TAF1: variants seen among roughly 807,000 people sequenced by gnomAD.
TAF1 encodes TATA-box binding protein associated factor 1.
Under a neutral mutation model 138.5 loss-of-function variants are expected in TAF1, and 2 were observed. The observed-to-expected ratio is 0.01, with a 90% confidence interval of 0.01 to 0.05. The LOEUF is 0.05. TAF1 is among the 10% of genes least tolerant of loss of function. The pLI is 1.00. For missense variants in TAF1, 709 were observed against 1,478.0 expected (o/e 0.48, Z 8.53); for synonymous variants, 437 against 503.2 (o/e 0.87, Z 1.76).
In TAF1 at chrX:71,366,468, C is replaced by T. The variant is rs374720954; in HGVS notation, c.94C>T (p.Leu32=). ...CGGCAACATCAATGGAGCCGGGCAGCTGGAGGGGGAAAGCGTCTTGGATGA... is the reference window on the plus strand; with the variant it reads ...CGGCAACATCAATGGAGCCGGGCAGTTGGAGGGGGAAAGCGTCTTGGATGA... The part of the protein sequence containing the change: ...LFGNINGAGQ[L]EGESVLDDEC... The change falls in exon 1 of 38, where the codon CTG becomes TTG. Residue 32 remains leucine, a synonymous_variant. Transcript: ENST00000423759. 6 of 947,001 alleles carry T rather than the reference C, an allele frequency of 6.3e-6. No homozygotes were observed. The highest frequency in any genetic ancestry group is 8.1e-6 in the Non-Finnish European group (6 of 743,408). 78.0% of individuals were successfully genotyped at this position (947,001 alleles called of 1,213,427 possible).
At chrX:71,424,981 T>C (rs73543092) in intron 32 of TAF1, among the ~76,000 whole-genome samples, 1,877 of 112,040 alleles carry the variant, frequency 0.017, 39 homozygotes, top group African/African-American at 0.057. Context: ...TAAAGATTGC[T>C]ATTAGCCGTT....
chrX:71,430,744 T>C (rs1198235165), intron 32 of TAF1, among the ~76,000 whole-genome samples: 2 of 111,808 alleles, frequency 1.8e-5, no homozygotes, highest in Non-Finnish European at 3.8e-5. Context: ...TGTACTTAGG[T>C]ATTTGAATTT....
chrX:71,508,737 AGTGTGT>A (rs112821544), intron 13 of TAF1, among the ~76,000 whole-genome samples: 12 of 100,777 alleles, frequency 1.2e-4, no homozygotes, highest in African/African-American at 2.9e-4. Context: ...AGACAGAGTG[AGTGTGT>A]GTGTGTGTGT....
At chrX:71,400,679 C>G (rs2035130289) in intron 24 of TAF1, among the ~76,000 whole-genome samples, 1 of 111,988 alleles carries the variant, frequency 8.9e-6, no homozygotes, top group African/African-American at 3.2e-5. Flanking sequence ...CCTCTCCAAA[C>G]TTGTTTTCTC....
chrX:71,400,403 G>GT (rs1210775743), intron 24 of TAF1, among the ~76,000 whole-genome samples: 13 of 112,063 alleles, frequency 1.2e-4, no homozygotes, highest in African/African-American at 1.6e-4. Context: ...AGTTTGGTAG[G>GT]TTTTTTAACA....
chrX:71,375,536 A>T (rs1354197321), intron 4 of TAF1, among the ~76,000 whole-genome samples: 1 of 111,544 alleles, frequency 9.0e-6, no homozygotes, highest in Non-Finnish European at 1.9e-5. Context: ...ACCCATCAGA[A>T]TCACTTAGAA....
At chrX:71,518,515 G>C (rs917988730) in intron 13 of TAF1, among the ~76,000 whole-genome samples, 1 of 110,540 alleles carries the variant, frequency 9.0e-6, no homozygotes, top group Non-Finnish European at 1.9e-5. Flanking sequence ...GAAATCAATG[G>C]AATTGGGATA....
intron 32 of TAF1, among the ~76,000 whole-genome samples, chrX:71,440,298 C>A (rs1350796469): frequency 9.0e-6 from 1 of 111,554 alleles, no homozygotes; most frequent in Admixed American, 9.6e-5. Flanking sequence ...GTTGAGTGTT[C>A]CATTGTGTGG....
intron 13 of TAF1, chrX:71,528,210 T>C: frequency 4.5e-6 from 1 of 219,988 alleles, no homozygotes; most frequent in Non-Finnish European, 8.5e-6. Context: ...AAAAACCATC[T>C]AGCACATTTG....
At chrX:71,391,569 T>C (rs944419614) in intron 18 of TAF1, among the ~76,000 whole-genome samples, 12 of 110,213 alleles carry the variant, frequency 1.1e-4, no homozygotes, top group African/African-American at 3.6e-4. Context: ...AGAATTCTGT[T>C]GAATGGCTTT....
intron 32 of TAF1, among the ~76,000 whole-genome samples, chrX:71,452,408 C>G (rs1282303273): frequency 9.0e-6 from 1 of 110,850 alleles, no homozygotes; most frequent in Non-Finnish European, 1.9e-5. Context: ...AGAGGTGCTC[C>G]TCACATCCCA....
At position 71,367,596 on chromosome X, in the gene TAF1, C is replaced by T; in HGVS notation, c.218C>T (p.Ala73Val). 8.3e-7 allele frequency: 1 copy of T among 1,211,287 alleles called. No homozygotes were observed. The highest frequency in any genetic ancestry group is 1.8e-5 in the South Asian group (1 of 56,957). The change falls in exon 2 of 38, where the codon GCC (alanine) becomes GTC (valine). Residue 73 changes from alanine to valine, a missense_variant. By Grantham distance (64) the Ala-to-Val change is moderately conservative (BLOSUM62 0). Around this residue, in one of 14 missense-constraint regions of TAF1, gnomAD observed 123 missense variants for 161.6 expected, o/e 0.76. Coordinates refer to ENST00000423759, the MANE Select transcript of TAF1 (RefSeq NM_004606.5). ...ANEELTGTDG[A>V]LVNDEGWVRS... is the part of the protein sequence containing the mutation. ...GAAGAATTGACCGGGACTGACGGTG[C>T]CTTGGTAAATGATGAAGGTGAAGTC...
chrX:71,404,310 C>T (rs913566234), intron 25 of TAF1, among the ~76,000 whole-genome samples: 16 of 111,178 alleles, frequency 1.4e-4, no homozygotes, highest in Non-Finnish European at 2.6e-4. Flanking sequence ...TTCAAATTTT[C>T]CTATCCTATA....
At chrX:71,401,472 T>G in intron 24 of TAF1, 56 bp from the exon 25 acceptor site, 1 of 1,179,059 alleles carries the variant, frequency 8.5e-7, no homozygotes, top group Non-Finnish European at 1.2e-6. Context: ...TGCTTATCTC[T>G]GATATGTGTT....
At chrX:71,438,409 C>T (rs931816178) in intron 32 of TAF1, among the ~76,000 whole-genome samples, 1 of 111,636 alleles carries the variant, frequency 9.0e-6, no homozygotes, top group African/African-American at 3.3e-5. Flanking sequence ...GTTTTACTTA[C>T]CATGTTTTCA....
chrX:71,449,136 G>T (rs751064294), intron 32 of TAF1, among the ~76,000 whole-genome samples: 1 of 112,467 alleles, frequency 8.9e-6, no homozygotes, highest in Admixed American at 9.4e-5. Flanking sequence ...GGGATTACAG[G>T]CATGTGCCAC....
chrX:71,468,693 A>T (rs2147478531), downstream of TAF1, among the ~76,000 whole-genome samples: 1 of 105,160 alleles, frequency 9.5e-6, no homozygotes, highest in Non-Finnish European at 2.0e-5. Flanking sequence ...TCAAAAAAAA[A>T]AAAAAAAAAT....
intron 28 of TAF1, among the ~76,000 whole-genome samples, chrX:71,408,710 C>T (rs2035603554): frequency 9.2e-6 from 1 of 108,268 alleles, no homozygotes; most frequent in Non-Finnish European, 1.9e-5. Flanking sequence ...TAGTGGAAGA[C>T]GTGGTCCTAG....
intron 28 of TAF1, among the ~76,000 whole-genome samples, chrX:71,413,632 C>T (rs1350414775): frequency 9.0e-6 from 1 of 111,287 alleles, no homozygotes; most frequent in Non-Finnish European, 1.9e-5. Context: ...TATCTCCAGC[C>T]CCATACCTCT....
Sources: gnomAD v4.1 joint callset for allele counts (sites outside exome capture counted in the v4.1 genomes callset) on GRCh38, gnomAD v4.1.1 for gene constraint, gnomAD v4.1.1 regional missense constraint, MANE v1.5 for transcripts, NCBI Gene and HGNC (gene_info 2026-07-23, HGNC 2026-07-21) for gene names.